PER3: variants seen among roughly 807,000 people sequenced by gnomAD.
PER3 encodes the protein period circadian protein homolog 3.
Under a neutral mutation model 127.2 loss-of-function variants are expected in PER3, and 107 were observed. The observed-to-expected ratio is 0.84, with a 90% CI of 0.72 to 0.99. The LOEUF (loss-of-function observed/expected upper bound fraction) is 0.99. Among genes scored for constraint, PER3 ranks in the 50% least tolerant of loss-of-function variants. The pLI is 0.00. For missense variants in PER3, 1,560 were observed against 1,525.8 expected (o/e 1.02, Z -0.37); for synonymous variants, 618 against 585.8 (o/e 1.05, Z -0.79).
In PER3 at chr1:7,798,683, T is replaced by C. The variant is rs748878233; in HGVS notation, c.793+10T>C. On this transcript the variant is annotated intron_variant, in intron 7 of 21. Transcript: ENST00000377532. ...CACTCTGGTTATGAAGGTAAGTCAG[T>C]AGATAAGATGCAGAAATGTCAGCAA... 6.2e-7 allele frequency: 1 copy of C among 1,607,736 alleles called. No homozygotes were observed. Among genetic ancestry groups the C allele is most frequent in the East Asian group, 2.2e-5 (1 of 44,828 alleles).
chr1:7,787,556 G>A, intron 4 of PER3: 2 of 366,988 alleles, frequency 5.4e-6, no homozygotes, highest in Non-Finnish European at 1.1e-5. Flanking sequence ...AAGCTAGAGA[G>A]GAAAGTATGC....
chr1:7,796,698 G>A (rs2097147209), intron 6 of PER3, among the ~76,000 whole-genome samples: 1 of 152,092 alleles, frequency 6.6e-6, no homozygotes, highest in Non-Finnish European at 1.5e-5. Context: ...GGCAGGGAGG[G>A]CAGTTAGAGG....
intron 21 of PER3, among the ~76,000 whole-genome samples, chr1:7,842,027 T>C (rs2097392357): frequency 6.6e-6 from 1 of 152,218 alleles, no homozygotes; most frequent in Non-Finnish European, 1.5e-5. Context: ...CAGCTGTTAC[T>C]GTCCTGAATA....
chr1:7,787,785 C>T (rs925248960), intron 4 of PER3: 3 of 479,372 alleles, frequency 6.3e-6, no homozygotes, highest in Non-Finnish European at 3.8e-6. Context: ...ATGTGCCATA[C>T]GTATTTTAGT....
intron 13 of PER3, among the ~76,000 whole-genome samples, chr1:7,813,286 G>A (rs1266777301): frequency 6.6e-6 from 1 of 152,200 alleles, no homozygotes; most frequent in Non-Finnish European, 1.5e-5. Flanking sequence ...GAGTGAGATT[G>A]CTTCCAGTTT....
chr1:7,806,300 A>C (rs1336333583), intron 10 of PER3, among the ~76,000 whole-genome samples: 1 of 152,190 alleles, frequency 6.6e-6, no homozygotes, highest in Non-Finnish European at 1.5e-5. Context: ...ATCCATACTC[A>C]GTAAACTAGA....
At chr1:7,818,544 C>T (rs564387633) in intron 13 of PER3, among the ~76,000 whole-genome samples, 49 of 152,270 alleles carry the variant, frequency 3.2e-4, no homozygotes, top group Admixed American at 4.6e-4. Flanking sequence ...TTTCTGTTAT[C>T]TTTCCAGCTA....
intron 5 of PER3, chr1:7,788,639 C>G (rs1167266842): frequency 1.0e-5 from 2 of 198,354 alleles, no homozygotes; most frequent in Non-Finnish European, 2.1e-5. Flanking sequence ...CAAGGTGGCT[C>G]ACGCCTGTAA....
chr1:7,805,473 C>T (rs375040182), intron 10 of PER3, among the ~76,000 whole-genome samples: 2 of 152,100 alleles, frequency 1.3e-5, no homozygotes, highest in South Asian at 2.1e-4. Context: ...TTGGCCCCTC[C>T]GCAGAGCACG....
intron 16 of PER3, among the ~76,000 whole-genome samples, chr1:7,821,168 C>G (rs748700731): frequency 6.6e-6 from 1 of 152,198 alleles, no homozygotes; most frequent in Non-Finnish European, 1.5e-5. Flanking sequence ...TTTATTGCCA[C>G]TTGTCCTTTT....
At chr1:7,795,073 C>G (rs1325368607) in intron 6 of PER3, among the ~76,000 whole-genome samples, 1 of 152,036 alleles carries the variant, frequency 6.6e-6, no homozygotes, top group Non-Finnish European at 1.5e-5. Context: ...AACTGGGGGA[C>G]TTGAGCTCAT....
rs547257750 is a variant in PER3, at chr1:7,843,958, T to C, written c.*1203T>C. The C allele has an allele frequency of 1.6e-6, 2 of 1,277,556 alleles. No individual in the cohort carries two copies. Among genetic ancestry groups the C allele is most frequent in the East Asian group, 1.2e-4 (2 of 16,694 alleles). The allele number at this position is 1,277,556 out of a possible 1,614,324, so 79.1% of individuals were successfully genotyped here. On this transcript the variant is annotated 3_prime_UTR_variant, in exon 22 of 22. Transcript: ENST00000377532. ...TAGATGAAATTCACACCCCTGCAGA[T>C]CAGAAAAAACAAATAGAAGAAAATG...
At position 7,830,244 on chromosome 1, in the gene PER3, A is replaced by T. The variant is rs1185392769; in HGVS notation, c.3214+83A>T. The T allele has an allele frequency of 3.2e-6, 4 of 1,239,672 alleles. No homozygotes were observed. The African/African-American group carries it at 4.5e-5, about 14-fold the overall frequency. The allele number at this position is 1,239,672 out of a possible 1,614,324, so 76.8% of individuals were successfully genotyped here. A position where few individuals can be genotyped will look rare whatever the true frequency, so the allele number is the denominator to read the frequency against. Reference sequence around the variant, plus strand: ...TGAGCTCTCACTGTGTGCCCCAGGCACTGATGTGGAAGTACAAGGTTTTTT... The same window carrying T: ...TGAGCTCTCACTGTGTGCCCCAGGCTCTGATGTGGAAGTACAAGGTTTTTT... On this transcript the variant is annotated intron_variant, in intron 19 of 21. Transcript: ENST00000377532.
chr1:7,794,857 T>C (rs1458373236), intron 6 of PER3, among the ~76,000 whole-genome samples: 1 of 150,572 alleles, frequency 6.6e-6, no homozygotes, highest in Non-Finnish European at 1.5e-5. Flanking sequence ...TTATGTTATA[T>C]ACATAATATA....
Position 7,826,489 on chromosome 1 carries a change from C to A in PER3, c.1967C>A (p.Ala656Asp). 1 of 1,603,646 alleles carries A rather than the reference C, an allele frequency of 6.2e-7. No homozygotes were observed. The highest frequency in any genetic ancestry group is 8.5e-7 in the Non-Finnish European group (1 of 1,170,490). ...HVPPPETARDATLFCEPWTLN... is the reference protein window; with the variant it reads ...HVPPPETARDDTLFCEPWTLN... ...TCTTCTTCCACCTCAGCCAGGGATG[C>A]TACCCTCTTCTGTGAGCCCTGGACC... Residue 656 changes from alanine to aspartate, a missense_variant, in exon 17 of 22, where the codon GCT (alanine) becomes GAT (aspartate). Ala to Asp is a moderately radical substitution (Grantham distance 126). This residue lies in a region of PER3 where 1,332 missense variants were observed against 1,223.6 expected (regional missense o/e 1.09). Transcript: ENST00000377532. The surrounding 1 kb of genome is among the most constrained non-coding windows in gnomAD (Gnocchi z 4.2).
At chr1:7,815,735 C>T (rs1456553140) in intron 13 of PER3, among the ~76,000 whole-genome samples, 1 of 151,782 alleles carries the variant, frequency 6.6e-6, no homozygotes, top group Non-Finnish European at 1.5e-5. Context: ...CCTGTAATCC[C>T]AGCACTTTAG....
chr1:7,827,472 C>G lies in PER3; in HGVS notation c.2543C>G (p.Pro848Arg), dbSNP rs764619919. The change falls in exon 18 of 22, where the codon CCT (proline) becomes CGT (arginine). Residue 848 changes from proline to arginine, a missense_variant. This residue lies in a region of PER3 where 1,332 missense variants were observed against 1,223.6 expected (regional missense o/e 1.09). Coordinates refer to ENST00000377532, the MANE Select transcript of PER3 (RefSeq NM_001377275.1). ...GGCTTGCAGCCTTACCCAGCTTTCC[C>G]TTTTCCTTACTTGGATACTTTTATG... is the stretch of plus-strand genomic sequence containing the variant. ...SEGLQPYPAFPFPYLDTFMTV... is the reference protein window; with the variant it reads ...SEGLQPYPAFRFPYLDTFMTV... 5 of 1,614,248 alleles carry G rather than the reference C, an allele frequency of 3.1e-6. No individual in the cohort carries two copies. The highest frequency in any genetic ancestry group is 1.1e-5 in the South Asian group (1 of 91,086).
rs1401482215 is a variant in PER3, at chr1:7,810,024, G to C, written c.1371+3G>C. The C allele has an allele frequency of 1.2e-6, 2 of 1,612,642 alleles. No individual in the cohort carries two copies. Among genetic ancestry groups the C allele is most frequent in the Non-Finnish European group, 1.7e-6 (2 of 1,179,154 alleles). On this transcript the variant is annotated splice_donor_region_variant and intron_variant, in intron 12 of 21. Transcript: ENST00000377532. ...TGGAGGAGACGAAGGCGGAGCAGGTGCATGGGCTTATGTCACATTCTTATA... is the reference window on the plus strand; with the variant it reads ...TGGAGGAGACGAAGGCGGAGCAGGTCCATGGGCTTATGTCACATTCTTATA...
intron 4 of PER3, chr1:7,787,071 T>G (rs1032759488): frequency 2.4e-6 from 1 of 423,298 alleles, no homozygotes; most frequent in Non-Finnish European, 4.2e-6. Context: ...GGTTATGAGG[T>G]GCTTCTAGCT....
Sources: allele counts gnomAD v4.1 joint callset (sites outside exome capture counted in the v4.1 genomes callset), GRCh38; gene constraint gnomAD v4.1.1; regional missense constraint gnomAD v4.1.1; non-coding constraint Gnocchi (gnomAD v3.1); transcripts MANE v1.5; gene names NCBI Gene and HGNC (gene_info 2026-07-23, HGNC 2026-07-21).